The following MICAL1 variants were observed in gnomAD, a reference collection of about 807,000 sequenced individuals.
MICAL1 encodes microtubule associated monooxygenase, calponin and LIM domain containing 1.
MICAL1 carries 95 observed loss-of-function variants against 131.8 expected under a neutral mutation model. That is an observed-to-expected ratio of 0.72 (90% CI 0.61 to 0.86). The LOEUF (loss-of-function observed/expected upper bound fraction) is 0.86. MICAL1 is among the 40% of genes least tolerant of loss of function. MICAL1 has a pLI of 0.00. For synonymous variants in MICAL1, 546 were observed against 554.2 expected, an observed-to-expected ratio of 0.99 and a Z score of 0.21; for missense variants, 1,292 against 1,380.6, an observed-to-expected ratio of 0.94 and a Z score of 1.02.
At position 109,447,239 on chromosome 6, in the gene MICAL1, C is replaced by A. The variant is rs767397830; in HGVS notation, c.2071-10G>T. ...GGTCCCCAGCACCGGCCTGCGTGGA[C>A]CCCCAGGACACAGGGTCAGGTGGAG... is the stretch of plus-strand genomic sequence containing the variant. On this transcript the variant is annotated splice_polypyrimidine_tract_variant and intron_variant, in intron 16 of 24. Coordinates refer to ENST00000358807, the MANE Select transcript of MICAL1 (RefSeq NM_022765.4). 2 of 1,613,802 alleles carry A rather than the reference C, an allele frequency of 1.2e-6. No homozygotes were observed. Among genetic ancestry groups the A allele is most frequent in the South Asian group, 2.2e-5 (2 of 91,084 alleles).
chr6:109,451,037 AG>A (rs1259075672), intron 7 of MICAL1, among the ~76,000 whole-genome samples: 1 of 152,136 alleles, frequency 6.6e-6, no homozygotes, highest in African/African-American at 2.4e-5. Flanking sequence ...AGCAAGCAAC[AG>A]ACAAAGAGAC....
intron 7 of MICAL1, among the ~76,000 whole-genome samples, chr6:109,451,059 G>A (rs913120622): frequency 6.6e-6 from 1 of 152,058 alleles, no homozygotes; most frequent in Non-Finnish European, 1.5e-5. Flanking sequence ...AGAAATGCCT[G>A]CCCTCATGGA....
chr6:109,453,499 TG>T, intron 3 of MICAL1, 132 bp from the exon 4 acceptor site: 1 of 1,497,134 alleles, frequency 6.7e-7, no homozygotes. Flanking sequence ...CACTTATAGA[TG>T]GGGGACCTGA....
rs759027790 is a variant in MICAL1, at chr6:109,465,644, T to G, written c.14+20A>C. The G allele has an allele frequency of 1.9e-6, 3 of 1,551,784 alleles. No homozygotes were observed. The South Asian group carries it at 3.5e-5, about 18-fold the overall frequency. On this transcript the variant is annotated intron_variant, in intron 1 of 24. Coordinates refer to the MICAL1 transcript ENST00000630715. ...TGAAAACCATTCAATAATATTGAAA[T>G]GCTCAATACAAATCAGTACCTTAGA...
In MICAL1 at chr6:109,445,851, T is replaced by C. The variant is rs970211026; in HGVS notation, c.2593A>G (p.Met865Val). ...GGACTCTCTTTTTCCTCCTTCTCCA[T>C]GGCCACAAGAGCTGAGAAGAAGAAC... is the stretch of plus-strand genomic sequence containing the variant. ...PVQSPQALVA[M>V]EKEEKESPFS... The change falls in exon 20 of 25, where the codon ATG becomes GTG. Residue 865 changes from methionine (M) to valine (V), a missense_variant. Coordinates refer to ENST00000358807, the MANE Select transcript of MICAL1 (RefSeq NM_022765.4). 2 of 1,604,224 alleles carry C rather than the reference T, an allele frequency of 1.2e-6. No homozygotes were observed. The highest frequency in any genetic ancestry group is 1.7e-6 in the Non-Finnish European group (2 of 1,175,058).
chr6:109,452,848 G>C (rs1180589875), intron 4 of MICAL1, among the ~76,000 whole-genome samples: 1 of 152,152 alleles, frequency 6.6e-6, no homozygotes, highest in Non-Finnish European at 1.5e-5. Context: ...GCTTGCCCAA[G>C]GCCACACTAT....
chr6:109,449,305 T>C, intron 11 of MICAL1, 95 bp downstream of exon 11: 2 of 1,335,808 alleles, frequency 1.5e-6, no homozygotes, highest in Non-Finnish European at 2.2e-6. Flanking sequence ...GGCACGCTGC[T>C]CCTGTCCTGA....
At chr6:109,457,647 TTAC>T (rs1305634854), upstream of MICAL1, among the ~76,000 whole-genome samples, 1 of 152,152 alleles carries the variant, frequency 6.6e-6, no homozygotes, top group African/African-American at 2.4e-5. Flanking sequence ...GCCGCTCCAC[TTAC>T]TACAACTACA....
intron 1 of MICAL1, chr6:109,462,486 A>G (rs919930515): frequency 6.6e-6 from 1 of 152,214 alleles, no homozygotes; most frequent in Non-Finnish European, 1.5e-5. Context: ...TGGCTCCTGG[A>G]CAATAGTAAG....
rs769077470 is a variant in MICAL1 at position 109,446,200 on chromosome 6, G to A, written c.2517C>T (p.Ala839=). 2 of 1,597,102 alleles carry A rather than the reference G, an allele frequency of 1.3e-6. No homozygotes were observed. Among genetic ancestry groups the A allele is most frequent in the African/African-American group, 2.7e-5 (2 of 74,080 alleles). ...PPPKPPRSCS[A]LARHALESSF... Reference sequence around the variant, plus strand: ...TGCTCTCCAGGGCGTGGCGGGCCAAGGCGGAGCAGCTGCGGGGAGGCTTGG... The same window carrying A: ...TGCTCTCCAGGGCGTGGCGGGCCAAAGCGGAGCAGCTGCGGGGAGGCTTGG... Residue 839 remains alanine, a synonymous_variant, in exon 19 of 25, where the codon GCC becomes GCT. Coordinates refer to ENST00000358807, the MANE Select transcript of MICAL1 (RefSeq NM_022765.4).
In MICAL1 at chr6:109,452,395, T is replaced by C. The variant is rs1481065113; in HGVS notation, c.683A>G (p.Lys228Arg). Residue 228 changes from lysine to arginine, a missense_variant, in exon 6 of 25, where the codon AAA (lysine) becomes AGA (arginine). Transcript: ENST00000358807. The part of the protein sequence containing the change: ...AGGKFVPEGF[K>R]VREMRGKLAI... The stretch of plus-strand genomic sequence containing the variant: ...CAGTTTGCCTCGCATTTCTCGAACT[T>C]TGAAGCCTAGAGGTGGCGGTAGGTG... 1 of 1,614,006 alleles carries C rather than the reference T, an allele frequency of 6.2e-7. No homozygotes were observed. The highest frequency in any genetic ancestry group is 2.2e-5 in the East Asian group (1 of 44,858).
Position 109,453,279 on chromosome 6 carries a change from C to T in MICAL1, c.555G>A (p.Gln185=). Residue 185 remains glutamine, a synonymous_variant, in exon 4 of 25, where the codon CAG becomes CAA. Coordinates refer to ENST00000358807, the MANE Select transcript of MICAL1 (RefSeq NM_022765.4). ...AATACTTACCCTTCCTAGGAGGGGG[C>T]TGGAGGCCAGTGAAAGTGACACCCC... ...IHWGVTFTGL[Q]PPPRKGSGWR... is the part of the protein sequence containing the mutation. 1 of 1,613,858 alleles carries T rather than the reference C, an allele frequency of 6.2e-7. No individual in the cohort carries two copies. The highest frequency in any genetic ancestry group is 1.1e-5 in the South Asian group (1 of 91,088).
Position 109,444,204 on chromosome 6 carries a change from C to T in MICAL1, c.3191G>A (p.Gly1064Glu). The stretch of plus-strand genomic sequence containing the variant: ...GCCCACCCTCGTCTAGCCCTGGGCC[C>T]CTGTCCCCAAGGCCAGCTCGCTGAG... ...RRLSELALGT[G>E]AQG is the part of the protein sequence containing the mutation. The change falls in exon 25 of 25, where the codon GGG becomes GAG. Residue 1064 changes from glycine to glutamate, a missense_variant. Gly to Glu is a moderately conservative substitution (Grantham distance 98, BLOSUM62 -2). Coordinates refer to ENST00000358807, the MANE Select transcript of MICAL1 (RefSeq NM_022765.4). The T allele has an allele frequency of 1.2e-6, 2 of 1,613,072 alleles. No individual in the cohort carries two copies. The highest frequency in any genetic ancestry group is 1.7e-6 in the Non-Finnish European group (2 of 1,179,956).
Position 109,445,781 on chromosome 6 carries a change from T to A in MICAL1, c.2663A>T (p.Asp888Val). The A allele has an allele frequency of 6.2e-7, 1 of 1,611,128 alleles. No homozygotes were observed. The highest frequency in any genetic ancestry group is 1.1e-5 in the South Asian group (1 of 90,408). ...CGCTGGCCCACTCACCTGTTCCACA[T>A]CTGAGTCCAAAGGCACATCTTCTTC... The part of the protein sequence containing the change: ...EEEEDVPLDS[D>V]VEQALQTFAK... The change falls in exon 20 of 25, where the codon GAT (aspartate) becomes GTT (valine). Residue 888 changes from aspartate to valine, a missense_variant. Coordinates refer to ENST00000358807, the MANE Select transcript of MICAL1 (RefSeq NM_022765.4).
intron 17 of MICAL1, 70 bp from the exon 18 acceptor site, chr6:109,446,842 T>A: frequency 6.9e-7 from 1 of 1,442,712 alleles, no homozygotes; most frequent in Non-Finnish European, 9.6e-7. Context: ...CAACAGTTTA[T>A]GAAGGAAGGT....
At chr6:109,451,951 G>T in intron 6 of MICAL1, 1 of 1,387,544 alleles carries the variant, frequency 7.2e-7, no homozygotes, top group South Asian at 1.6e-5. Context: ...CCACCTGGTC[G>T]CATGGCAGTG....
intron 7 of MICAL1, among the ~76,000 whole-genome samples, chr6:109,450,992 T>C (rs1775516392): frequency 6.6e-6 from 1 of 152,100 alleles, no homozygotes; most frequent in African/African-American, 2.4e-5. Flanking sequence ...GCGCTTACTA[T>C]GTATTTGGCA....
chr6:109,457,146 C>G (rs7764669), upstream of MICAL1, among the ~76,000 whole-genome samples: 1 of 152,100 alleles, frequency 6.6e-6, no homozygotes, highest in Non-Finnish European at 1.5e-5. Flanking sequence ...GTTCCCAGCT[C>G]GAGCTGAGAA....
At chr6:109,445,721 T>C (rs1775183720) in intron 20 of MICAL1, 50 bp downstream of exon 20, 7 of 1,580,862 alleles carry the variant, frequency 4.4e-6, no homozygotes, top group Non-Finnish European at 5.2e-6. Context: ...TGCAGGTTTC[T>C]CCTGTAGTGG....
Sources: gnomAD v4.1 joint callset for allele counts (sites outside exome capture counted in the v4.1 genomes callset) on GRCh38, gnomAD v4.1.1 for gene constraint, MANE v1.5 for transcripts, NCBI Gene and HGNC (gene_info 2026-07-23, HGNC 2026-07-21) for gene names.